The following CAMK1D variants were observed in gnomAD, a reference collection of about 807,000 sequenced individuals.
CAMK1D encodes the protein calcium/calmodulin dependent protein kinase ID, also known as calcium/calmodulin-dependent protein kinase type 1D.
Under a neutral mutation model 47.7 loss-of-function variants are expected in CAMK1D, and 9 were observed. The ratio of observed to expected loss-of-function variants is 0.19; its 90% CI spans 0.11 to 0.33. CAMK1D has a LOEUF of 0.33. Ranked by LOEUF, CAMK1D falls within the 10% of genes least tolerant of loss-of-function variation. The probability of loss-of-function intolerance (pLI) is 1.00; values close to 1 mark genes in which losing one functional copy is unlikely to be tolerated. For missense variants in CAMK1D, 291 were observed against 488.7 expected, an observed-to-expected ratio of 0.60 and a Z score of 3.81; for synonymous variants, 184 against 184.9, an observed-to-expected ratio of 0.99 and a Z score of 0.04.
intron 3 of CAMK1D, among the ~76,000 whole-genome samples, chr10:12,729,044 T>G (rs906564132): frequency 6.6e-6 from 1 of 152,222 alleles, no homozygotes; most frequent in Non-Finnish European, 1.5e-5. Context: ...AAATAGTTCT[T>G]CCTTACTAAA....
chr10:12,773,231 C>T (rs1837122694), intron 5 of CAMK1D, among the ~76,000 whole-genome samples: 1 of 152,224 alleles, frequency 6.6e-6, no homozygotes, highest in African/African-American at 2.4e-5. Flanking sequence ...TTTCTCTCTT[C>T]CCCTTCCATT....
chr10:12,393,699 C>T lies in CAMK1D; in HGVS notation c.92+43789C>T, dbSNP rs764721740. Among the ~76,000 whole-genome samples the T allele has an allele frequency of 5.9e-5, 9 of 152,134 alleles. No homozygotes were observed. In the South Asian group the frequency reaches 6.2e-4, roughly 11 times the overall value. Reference sequence around the variant, plus strand: ...CCCACCTGGGGGAAGACATGATGGACGCGTGAGCATGTGTCCAAACTTGAG... The same window carrying T: ...CCCACCTGGGGGAAGACATGATGGATGCGTGAGCATGTGTCCAAACTTGAG... On this transcript the variant is annotated intron_variant, in intron 1 of 10. Transcript: ENST00000619168.
chr10:12,401,247 T>C (rs1466719471), intron 1 of CAMK1D, among the ~76,000 whole-genome samples: 1 of 38,122 alleles, frequency 2.6e-5, no homozygotes, highest in African/African-American at 1.1e-4. Context: ...TTTATATATA[T>C]ATAATATATG....
chr10:12,387,445 T>TTATTTATATATATATATA (rs1838558675), intron 1 of CAMK1D, among the ~76,000 whole-genome samples: 1 of 66,660 alleles, frequency 1.5e-5, no homozygotes, highest in Admixed American at 2.4e-4. Context: ...TATATATATT[T>TTATTTATATATATATATA]TATATATATA....
intron 1 of CAMK1D, among the ~76,000 whole-genome samples, chr10:12,476,869 G>A (rs1202621736): frequency 6.6e-6 from 1 of 152,174 alleles, no homozygotes; most frequent in Non-Finnish European, 1.5e-5. Context: ...TCTCCGTTCT[G>A]TCTGCTCCAG....
intron 1 of CAMK1D, among the ~76,000 whole-genome samples, chr10:12,520,043 C>T (rs1249986487): frequency 3.9e-4 from 30 of 76,408 alleles, no homozygotes; most frequent in East Asian, 8.3e-4. Flanking sequence ...ACCTCCCGGA[C>T]GGGGCGGCTG....
At chr10:12,626,613 A>G (rs1366677029) in intron 2 of CAMK1D, among the ~76,000 whole-genome samples, 1 of 151,732 alleles carries the variant, frequency 6.6e-6, no homozygotes, top group African/African-American at 2.4e-5. Context: ...AGCTAGGATT[A>G]TAGATGCATG....
intron 1 of CAMK1D, among the ~76,000 whole-genome samples, chr10:12,467,797 G>A (rs1481648073): frequency 6.6e-6 from 1 of 152,110 alleles, no homozygotes. Flanking sequence ...TTTGTAGGTA[G>A]GATTATCTCT....
intron 5 of CAMK1D, among the ~76,000 whole-genome samples, chr10:12,780,335 T>C (rs1362167406): frequency 6.6e-6 from 1 of 152,216 alleles, no homozygotes; most frequent in Non-Finnish European, 1.5e-5. Context: ...CCTGTGCCTT[T>C]CACTTAAACT....
chr10:12,834,967 G>A lies in CAMK1D; in HGVS notation c.*6080G>A, dbSNP rs1018737139. The A allele has an allele frequency of 3.3e-5, 5 of 152,148 alleles. No homozygotes were observed. Among genetic ancestry groups the A allele is most frequent in the African/African-American group, 1.2e-4 (5 of 41,414 alleles). 9.4% of individuals were successfully genotyped at this position (152,148 alleles called of 1,614,324 possible). A position where few individuals can be genotyped will look rare whatever the true frequency, so the allele number is the denominator to read the frequency against. On this transcript the variant is annotated 3_prime_UTR_variant, in exon 11 of 11. Coordinates refer to ENST00000619168, the MANE Select transcript of CAMK1D (RefSeq NM_153498.4). Reference sequence around the variant, plus strand: ...CCTGACACCTGCCACTCTCCTTCCCGGGGCACTTGGCCCTATCAGAGGGAC... The same window carrying A: ...CCTGACACCTGCCACTCTCCTTCCCAGGGCACTTGGCCCTATCAGAGGGAC...
At chr10:12,449,892 G>A (rs1442283700) in intron 1 of CAMK1D, among the ~76,000 whole-genome samples, 4 of 152,190 alleles carry the variant, frequency 2.6e-5, no homozygotes, top group African/African-American at 9.7e-5. Context: ...CCAGCTAACT[G>A]GGAGGCTGAG....
chr10:12,505,359 T>A (rs1021958466), intron 1 of CAMK1D, among the ~76,000 whole-genome samples: 1 of 151,824 alleles, frequency 6.6e-6, no homozygotes, highest in African/African-American at 2.4e-5. Context: ...TCTGCAAAAC[T>A]CAGTGTTGGA....
intron 5 of CAMK1D, among the ~76,000 whole-genome samples, chr10:12,773,797 G>A (rs1216108721): frequency 1.3e-5 from 2 of 152,196 alleles, no homozygotes; most frequent in Non-Finnish European, 1.5e-5. Context: ...TACTCAGGAG[G>A]CTGAGGCAGG....
chr10:12,753,756 G>A (rs531833404), intron 3 of CAMK1D, among the ~76,000 whole-genome samples: 2 of 152,294 alleles, frequency 1.3e-5, no homozygotes, highest in South Asian at 4.1e-4. Flanking sequence ...TTCTCTCATG[G>A]CCTGTATTCT....
intron 6 of CAMK1D, among the ~76,000 whole-genome samples, chr10:12,813,166 G>T (rs1832672211): frequency 6.6e-6 from 1 of 152,158 alleles, no homozygotes; most frequent in Non-Finnish European, 1.5e-5. Context: ...CTTTGAAATG[G>T]ATCCATGGAA....
chr10:12,495,503 A>G (rs1177868922), intron 1 of CAMK1D, among the ~76,000 whole-genome samples: 2 of 152,204 alleles, frequency 1.3e-5, no homozygotes, highest in African/African-American at 4.8e-5. Flanking sequence ...TTTTAACTGA[A>G]TTTTTAAATT....
At chr10:12,722,161 A>C (rs974752500) in intron 3 of CAMK1D, among the ~76,000 whole-genome samples, 4 of 152,126 alleles carry the variant, frequency 2.6e-5, no homozygotes, top group African/African-American at 9.7e-5. Context: ...AGATAACTCC[A>C]GGCTGGGCGC....
At chr10:12,632,610 G>T (rs538942434) in intron 2 of CAMK1D, among the ~76,000 whole-genome samples, 1 of 152,204 alleles carries the variant, frequency 6.6e-6, no homozygotes, top group South Asian at 2.1e-4. Flanking sequence ...TTCTGTTTTA[G>T]AGATGAAGAA....
intron 3 of CAMK1D, among the ~76,000 whole-genome samples, chr10:12,688,844 C>T (rs780448282): frequency 3.3e-5 from 5 of 152,078 alleles, no homozygotes; most frequent in Admixed American, 6.5e-5. Context: ...CCACCATGCC[C>T]GACTCATTTT....
Sources: allele counts gnomAD v4.1 joint callset (sites outside exome capture counted in the v4.1 genomes callset), GRCh38; gene constraint gnomAD v4.1.1; transcripts MANE v1.5; gene names NCBI Gene and HGNC (gene_info 2026-07-23, HGNC 2026-07-21).